The following SS18L2 variants were observed in gnomAD, a reference collection of about 807,000 sequenced individuals.
SS18L2 encodes the protein SS18-like protein 2.
A neutral mutation model predicts 10.3 loss-of-function variants in SS18L2; 8 were observed. The observed-to-expected ratio is 0.78, with a 90% CI of 0.46 to 1.41. SS18L2 has a LOEUF of 1.41. SS18L2 is among the 40% of genes most tolerant of loss of function. SS18L2 has a pLI of 0.00. For synonymous variants in SS18L2, 41 were observed against 34.6 expected, an observed-to-expected ratio of 1.19 and a Z score of -0.65; for missense variants, 100 against 96.2, an observed-to-expected ratio of 1.04 and a Z score of -0.17.
At chr3:42,588,551 C>T (rs951120419), upstream of SS18L2, among the ~76,000 whole-genome samples, 3 of 152,076 alleles carry the variant, frequency 2.0e-5, no homozygotes, top group African/African-American at 7.2e-5. Flanking sequence ...TATATACATA[C>T]CATATGTAGC....
Position 42,596,396 on chromosome 3 carries a change from T to G in SS18L2, c.*1887T>G, listed in dbSNP as rs1705031059. 6.6e-6 allele frequency among the ~76,000 whole-genome samples: 1 copy of G among 152,190 alleles called. No homozygotes were observed. The highest frequency in any genetic ancestry group is 2.4e-5 in the African/African-American group (1 of 41,438). ...TTCCTGATGGTTTTCCAGAGTCCTA[T>G]CCCCTGAAGTTCTAATTGCTGGCAT... On this transcript the variant is annotated 3_prime_UTR_variant, in exon 3 of 3. Coordinates refer to ENST00000011691, the MANE Select transcript of SS18L2 (RefSeq NM_001370300.1).
chr3:42,588,570 A>T (rs2125738024), upstream of SS18L2, among the ~76,000 whole-genome samples: 1 of 152,342 alleles, frequency 6.6e-6, no homozygotes, highest in South Asian at 2.1e-4. Flanking sequence ...GCATTATGTT[A>T]TATAGTATTA....
rs1019906718 is a variant in SS18L2 at position 42,582,961 on chromosome 3, A to G, written c.-90+1003A>G. 5.3e-4 allele frequency among the ~76,000 whole-genome samples: 81 copies of G among 152,216 alleles called. 1 individual carries two copies. The highest frequency in any genetic ancestry group is 1.9e-3 in the African/African-American group (80 of 41,444). On this transcript the variant is annotated intron_variant, in intron 1 of 3. Coordinates refer to the SS18L2 transcript ENST00000447630. ...GGATAGTAGTGATGATCACACAACA[A>G]TGTGAATGTACCAAATGCCACAGAT... is the stretch of plus-strand genomic sequence containing the variant.
At chr3:42,590,407 G>T (rs770484110), upstream of SS18L2, among the ~76,000 whole-genome samples, 1 of 152,156 alleles carries the variant, frequency 6.6e-6, no homozygotes, top group Non-Finnish European at 1.5e-5. Flanking sequence ...GAGGCGGGCG[G>T]ATCACGAGGT....
chr3:42,582,006 C>G (rs11926788), intron 1 of SS18L2: 4,997 of 152,502 alleles, frequency 0.033, 124 homozygotes, highest in Admixed American at 0.046. Context: ...CCACCTCCCC[C>G]CTACCCCGCA....
chr3:42,582,539 T>C (rs1028761041), intron 1 of SS18L2, among the ~76,000 whole-genome samples: 9 of 152,262 alleles, frequency 5.9e-5, no homozygotes, highest in Admixed American at 6.5e-5. Context: ...CATTTATTCA[T>C]TTAGCAAGTA....
Position 42,594,546 on chromosome 3 carries a change from G to GTAA in SS18L2, c.*38_*39insAAT. ...CAATAGAATAATCTTCCATTTGGCT[G>GTAA]TCGTGAGGAGTAATTGAATGTAATC... On this transcript the variant is annotated 3_prime_UTR_variant, in exon 3 of 3. Transcript: ENST00000011691. 1 of 1,539,666 alleles carries GTAA rather than the reference G, an allele frequency of 6.5e-7. No individual in the cohort carries two copies. Among genetic ancestry groups the GTAA allele is most frequent in the Non-Finnish European group, 9.0e-7 (1 of 1,114,038 alleles).
Position 42,594,376 on chromosome 3 carries a change from T to C in SS18L2, c.147-46T>C, listed in dbSNP as rs955887754. ...TTATTTTCCAGTTTTTTGTTCATGG[T>C]CGGTAAAAACAAGCCTCTGATTTTT... On this transcript the variant is annotated intron_variant, in intron 2 of 2. Coordinates refer to ENST00000011691, the MANE Select transcript of SS18L2 (RefSeq NM_001370300.1). 4 of 1,484,996 alleles carry C rather than the reference T, an allele frequency of 2.7e-6. No individual in the cohort carries two copies. In the African/African-American group the frequency reaches 5.5e-5, roughly 21 times the overall value. 92.0% of individuals were successfully genotyped at this position (1,484,996 alleles called of 1,614,324 possible). A position where few individuals can be genotyped will look rare whatever the true frequency, so the allele number is the denominator to read the frequency against.
chr3:42,588,571 T>C (rs1704702993), upstream of SS18L2, among the ~76,000 whole-genome samples: 1 of 152,200 alleles, frequency 6.6e-6, no homozygotes, highest in Non-Finnish European at 1.5e-5. Flanking sequence ...CATTATGTTA[T>C]ATAGTATTAT....
chr3:42,590,716 C>A, upstream of SS18L2: 1 of 680,996 alleles, frequency 1.5e-6, no homozygotes, highest in East Asian at 2.6e-5. Flanking sequence ...AAAACGCCCC[C>A]GGCGTTCTGG....
chr3:42,590,766 C>A, upstream of SS18L2: 1 of 926,332 alleles, frequency 1.1e-6, no homozygotes, highest in Non-Finnish European at 1.8e-6. Context: ...AGCTCTTGCG[C>A]GTCCAGTCAC....
Position 42,594,491 on chromosome 3 carries a change from T to C in SS18L2, c.216T>C (p.Thr72=). 1 of 1,613,756 alleles carries C rather than the reference T, an allele frequency of 6.2e-7. No homozygotes were observed. The highest frequency in any genetic ancestry group is 8.5e-7 in the Non-Finnish European group (1 of 1,179,694). ...ATIADASPTS[T]SKAME is the part of the protein sequence containing the mutation. ...TTGCAGATGCCAGTCCAACCAGCAC[T>C]TCAAAAGCAATGGAATAATCTTTCA... Residue 72 remains threonine, a synonymous_variant, in exon 3 of 3, where the codon ACT becomes ACC. Coordinates refer to ENST00000011691, the MANE Select transcript of SS18L2 (RefSeq NM_001370300.1).
upstream of SS18L2, among the ~76,000 whole-genome samples, chr3:42,586,498 C>T (rs1704613117): frequency 6.6e-6 from 1 of 151,846 alleles, no homozygotes; most frequent in Admixed American, 6.6e-5. Flanking sequence ...GCTGGCATTA[C>T]AGGTGTGAGC....
At chr3:42,594,143 G>A (rs1211174101) in intron 2 of SS18L2, among the ~76,000 whole-genome samples, 3 of 152,244 alleles carry the variant, frequency 2.0e-5, no homozygotes, top group Non-Finnish European at 4.4e-5. Flanking sequence ...AGGCTGTTAT[G>A]TGGAGAATAA....
At chr3:42,585,924 G>A (rs923745196), upstream of SS18L2, among the ~76,000 whole-genome samples, 11 of 151,836 alleles carry the variant, frequency 7.2e-5, no homozygotes, top group African/African-American at 2.4e-4. Context: ...ATGCTCCCCA[G>A]ATCTCCCACT....
chr3:42,585,283 T>C (rs1202832567), intron 1 of SS18L2, among the ~76,000 whole-genome samples: 4 of 152,288 alleles, frequency 2.6e-5, no homozygotes, highest in African/African-American at 7.2e-5. Context: ...ACAACAGGGG[T>C]GAGATGTAGT....
At chr3:42,584,926 G>A (rs1243080870) in intron 1 of SS18L2, among the ~76,000 whole-genome samples, 1 of 151,776 alleles carries the variant, frequency 6.6e-6, no homozygotes, top group Non-Finnish European at 1.5e-5. Context: ...ACGAGGTCAG[G>A]GACCAGCCTG....
rs763145485 is a variant in SS18L2, at chr3:42,590,981, G to A, written c.69+15G>A. 1 of 1,334,730 alleles carries A rather than the reference G, an allele frequency of 7.5e-7. No individual in the cohort carries two copies. Among genetic ancestry groups the A allele is most frequent in the Non-Finnish European group, 9.9e-7 (1 of 1,014,866 alleles). The allele number at this position is 1,334,730 out of a possible 1,614,324, so 82.7% of individuals were successfully genotyped here. ...CTATCCAGCGGGTGAGCATCCACGC[G>A]GGCGGGCGGGCGGGCGGAGAGAAGT... On this transcript the variant is annotated intron_variant, in intron 1 of 2. Coordinates refer to ENST00000011691, the MANE Select transcript of SS18L2 (RefSeq NM_001370300.1).
At position 42,595,143 on chromosome 3, in the gene SS18L2, TATC is replaced by T. The variant is rs1429652352; in HGVS notation, c.*638_*640del. On this transcript the variant is annotated 3_prime_UTR_variant, in exon 3 of 3. Transcript: ENST00000011691. Reference sequence around the variant, plus strand: ...ATAGTGATTTCTAATTATTATCTAATATCATCTGATAATAGATGATGTTTAATT... The same window carrying T: ...ATAGTGATTTCTAATTATTATCTAATATCTGATAATAGATGATGTTTAATT... 2 of 152,258 alleles carry T rather than the reference TATC, an allele frequency of 1.3e-5. No individual in the cohort carries two copies. The highest frequency in any genetic ancestry group is 2.1e-4 in the South Asian group (1 of 4,832). 9.4% of individuals were successfully genotyped at this position (152,258 alleles called of 1,614,324 possible).
Sources: gnomAD v4.1 joint callset for allele counts (sites outside exome capture counted in the v4.1 genomes callset) on GRCh38, gnomAD v4.1.1 for gene constraint, MANE v1.5 for transcripts, NCBI Gene and HGNC (gene_info 2026-07-23, HGNC 2026-07-21) for gene names.